TP53I13: variants seen among roughly 807,000 people sequenced by gnomAD.
TP53I13 encodes tumor protein p53 inducible protein 13.
TP53I13 carries 27 observed loss-of-function variants against 39.1 expected under a neutral mutation model. That is an observed-to-expected ratio of 0.69 (90% CI 0.51 to 0.95). The LOEUF (loss-of-function observed/expected upper bound fraction) is 0.95. TP53I13 is among the 40% of genes least tolerant of loss of function. TP53I13 has a pLI of 0.00. For missense variants in TP53I13, 544 were observed against 520.4 expected, an observed-to-expected ratio of 1.05 and a Z score of -0.44; for synonymous variants, 230 against 224.6, an observed-to-expected ratio of 1.02 and a Z score of -0.22.
Position 29,572,959 on chromosome 17 carries a change from T to C in TP53I13, c.*35T>C, listed in dbSNP as rs921608494. On this transcript the variant is annotated 3_prime_UTR_variant, in exon 7 of 7. Transcript: ENST00000301057. ...ACCTGCCACTGTGGCGTGCGGCTCC[T>C]CCCCGCGCCGCGAGGCCGCGACCTC... 1 of 1,363,792 alleles carries C rather than the reference T, an allele frequency of 7.3e-7. No individual in the cohort carries two copies. Among genetic ancestry groups the C allele is most frequent in the South Asian group, 1.7e-5 (1 of 59,482 alleles). 84.5% of individuals were successfully genotyped at this position (1,363,792 alleles called of 1,614,324 possible). A position where few individuals can be genotyped will look rare whatever the true frequency, so the allele number is the denominator to read the frequency against.
At chr17:29,574,308 C>G (rs1435444609), downstream of TP53I13, 1 of 253,122 alleles carries the variant, frequency 4.0e-6, no homozygotes, top group Non-Finnish European at 7.8e-6. Context: ...CGCTCAGCCC[C>G]CAGTAGGGCT....
At chr17:29,579,368 G>GATACGGC in the TP53I13 span, 3 of 290,038 alleles carry the variant, frequency 1.0e-5, no homozygotes, top group South Asian at 9.8e-5. Context: ...GTGATTTTTT[G>GATACGGC]GATACACCTG....
downstream of TP53I13, chr17:29,576,815 G>A (rs1218602349): frequency 3.8e-6 from 6 of 1,576,660 alleles, no homozygotes; most frequent in Admixed American, 1.1e-4. Flanking sequence ...CCTCAGCGAA[G>A]GCCTGGGTCA....
At chr17:29,566,503 C>T (rs765126204), upstream of TP53I13, 4 of 1,610,720 alleles carry the variant, frequency 2.5e-6, no homozygotes, top group East Asian at 8.9e-5. Flanking sequence ...CGCAGGAAGG[C>T]CCCCGGCGCT....
intron 3 of TP53I13, chr17:29,571,226 A>G (rs1245912980): frequency 7.4e-6 from 2 of 270,132 alleles, no homozygotes; most frequent in African/African-American, 2.2e-5. Context: ...GGGAGACTGT[A>G]TAGATTGGAT....
chr17:29,568,921 G>A lies in TP53I13; in HGVS notation c.72+91G>A, dbSNP rs2032814195. Reference sequence around the variant, plus strand: ...CCTGGAAGGAGTGGCGCGCCGAGGGGGACGCGGAGTTCTTCCGCTGGCGGG... The same window carrying A: ...CCTGGAAGGAGTGGCGCGCCGAGGGAGACGCGGAGTTCTTCCGCTGGCGGG... On this transcript the variant is annotated intron_variant, in intron 1 of 6. Transcript: ENST00000301057. This position sits in a 1 kb window ranked among gnomAD's most constrained non-coding sequence, Gnocchi z 4.5. 2.5e-6 allele frequency: 4 copies of A among 1,595,948 alleles called. No individual in the cohort carries two copies. The highest frequency in any genetic ancestry group is 2.2e-5 in the East Asian group (1 of 44,656).
At chr17:29,579,904 C>T in the TP53I13 span, among the ~76,000 whole-genome samples, 1 of 152,160 alleles carries the variant, frequency 6.6e-6, no homozygotes, top group Admixed American at 6.5e-5. Flanking sequence ...GTGCCTGGAA[C>T]TCTCCGCTCT....
chr17:29,578,101 C>T (rs1366432323), downstream of TP53I13, among the ~76,000 whole-genome samples: 1 of 152,166 alleles, frequency 6.6e-6, no homozygotes. Context: ...GGGGGAGGAG[C>T]ACGCTAGCCG....
chr17:29,571,472 G>T (rs2032918358), intron 3 of TP53I13, 119 bp from the exon 4 acceptor site: 3 of 1,419,076 alleles, frequency 2.1e-6, no homozygotes, highest in Non-Finnish European at 2.9e-6. Flanking sequence ...GGCCCTGAAG[G>T]TAGAAGAGCC....
At chr17:29,577,735 C>T (rs2033263581), downstream of TP53I13, 1 of 1,605,312 alleles carries the variant, frequency 6.2e-7, no homozygotes, top group Non-Finnish European at 8.5e-7. Context: ...TTTGGGTAGC[C>T]AGCCACACTG....
At position 29,571,715 on chromosome 17, in the gene TP53I13, A is replaced by G; in HGVS notation, c.308A>G (p.Asp103Gly). 3.1e-6 allele frequency: 5 copies of G among 1,614,052 alleles called. No homozygotes were observed. Among genetic ancestry groups the G allele is most frequent in the Non-Finnish European group, 4.2e-6 (5 of 1,180,002 alleles). Residue 103 changes from aspartate (D) to glycine (G), a missense_variant, in exon 4 of 7, where the codon GAT becomes GGT. Coordinates refer to ENST00000301057, the MANE Select transcript of TP53I13 (RefSeq NM_138349.4). ...ACCCCTGACTTCAGCCTCACGCAGGATCGGGTATGTAGCTGATGAAAGGCG... is the reference window on the plus strand; with the variant it reads ...ACCCCTGACTTCAGCCTCACGCAGGGTCGGGTATGTAGCTGATGAAAGGCG... ...SLTPDFSLTQDRPLVLTAWGL... is the reference protein window; with the variant it reads ...SLTPDFSLTQGRPLVLTAWGL...
downstream of TP53I13, chr17:29,577,120 C>T: frequency 6.2e-7 from 1 of 1,611,652 alleles, no homozygotes; most frequent in Non-Finnish European, 8.5e-7. Context: ...CACACCCTCC[C>T]ACACAACCCT....
chr17:29,572,666 G>T lies in TP53I13; in HGVS notation c.1038G>T (p.Gly346=). 1 of 1,576,628 alleles carries T rather than the reference G, an allele frequency of 6.3e-7. No individual in the cohort carries two copies. ...NFRRGESIYW[G]PTADSQDTVA... ...GACGCGGGGAGAGCATCTACTGGGG[G>T]CCCACAGCGGACAGCCAGGACACAG... is the stretch of plus-strand genomic sequence containing the variant. The change falls in exon 6 of 7, where the codon GGG becomes GGT. Residue 346 remains glycine (G), a synonymous_variant. Coordinates refer to ENST00000301057, the MANE Select transcript of TP53I13 (RefSeq NM_138349.4).
chr17:29,575,235 C>A, downstream of TP53I13: 1 of 1,575,926 alleles, frequency 6.3e-7, no homozygotes, highest in Non-Finnish European at 8.7e-7. The surrounding 1 kb of genome is among the most constrained non-coding windows in gnomAD (Gnocchi z 5.5). Flanking sequence ...CTCTGCAACA[C>A]CCTAGAAGCC....
At chr17:29,576,564 G>A (rs2033210847), downstream of TP53I13, 3 of 1,614,024 alleles carry the variant, frequency 1.9e-6, no homozygotes, top group Non-Finnish European at 2.5e-6. Context: ...GGCTACTGTT[G>A]ACCTTCATGA....
At chr17:29,574,624 G>C, downstream of TP53I13, 2 of 1,177,582 alleles carry the variant, frequency 1.7e-6, no homozygotes, top group South Asian at 2.5e-5. Context: ...CTGTTGGGGT[G>C]GGGATTAATG....
rs947263440 is a variant in TP53I13, at chr17:29,572,996, CCG to C, written c.*79_*80del. 4.9e-6 allele frequency: 6 copies of C among 1,235,000 alleles called. No homozygotes were observed. In the African/African-American group the frequency reaches 9.6e-5, roughly 20 times the overall value. 76.5% of individuals were successfully genotyped at this position (1,235,000 alleles called of 1,614,324 possible). ...GAGGCCGCGACCTCTGCCACGTGGA[CCG>C]CGCGCGGGGCGCTCCCTGGTGGCGA... On this transcript the variant is annotated 3_prime_UTR_variant, in exon 7 of 7. Transcript: ENST00000301057.
At chr17:29,581,860 G>A in the TP53I13 span, 1 of 1,611,180 alleles carries the variant, frequency 6.2e-7, no homozygotes, top group Non-Finnish European at 8.5e-7. The surrounding 1 kb of genome is among the most constrained non-coding windows in gnomAD (Gnocchi z 4.8). Context: ...GTATGGCTCA[G>A]ACCTGCAGCA....
upstream of TP53I13, chr17:29,566,494 G>A (rs1175853361): frequency 1.9e-6 from 3 of 1,611,662 alleles, no homozygotes; most frequent in Non-Finnish European, 2.5e-6. Flanking sequence ...CAGAAGCACC[G>A]CAGGAAGGCC....
Sources: allele counts gnomAD v4.1 joint callset (sites outside exome capture counted in the v4.1 genomes callset), GRCh38; gene constraint gnomAD v4.1.1; non-coding constraint Gnocchi (gnomAD v3.1); transcripts MANE v1.5; gene names NCBI Gene and HGNC (gene_info 2026-07-23, HGNC 2026-07-21).